The following MOGAT1 variants were observed in gnomAD, a reference collection of about 807,000 sequenced individuals.
MOGAT1 encodes 2-acylglycerol O-acyltransferase 1.
In MOGAT1, 32 loss-of-function variants were observed where a neutral mutation model predicts 31.4. The observed-to-expected ratio is 1.02, with a 90% CI of 0.77 to 1.37. The LOEUF (loss-of-function observed/expected upper bound fraction) is 1.37. MOGAT1 is among the 40% of genes most tolerant of loss of function. MOGAT1 has a pLI of 0.00. For synonymous variants in MOGAT1, 145 were observed against 144.5 expected (o/e 1.00, Z -0.03); for missense variants, 426 against 402.0 (o/e 1.06, Z -0.51).
Position 222,677,561 on chromosome 2 carries a change from G to T in MOGAT1, c.94+5682G>T, listed in dbSNP as rs1179626463. ...ACCAGCTTCTAGGTCTAAGGCTAAC[G>T]TGATGATCATTTGTCTAAGGCTAGA... is the stretch of plus-strand genomic sequence containing the variant. On this transcript the variant is annotated intron_variant, in intron 1 of 5. Coordinates refer to ENST00000446656, the MANE Select transcript of MOGAT1 (RefSeq NM_058165.3). The T allele has an allele frequency of 2.3e-5, 4 of 173,860 alleles. No homozygotes were observed. In the East Asian group the frequency reaches 7.0e-4, roughly 31 times the overall value. 10.8% of individuals were successfully genotyped at this position (173,860 alleles called of 1,614,324 possible).
intron 5 of MOGAT1, among the ~76,000 whole-genome samples, chr2:222,704,401 G>A (rs1692972648): frequency 1.3e-5 from 2 of 152,068 alleles, no homozygotes; most frequent in South Asian, 2.1e-4. Flanking sequence ...GAGGCGGGTA[G>A]ATCACGAGGT....
chr2:222,689,977 G>A lies in MOGAT1; in HGVS notation c.478+508G>A, dbSNP rs550746208. Reference sequence around the variant, plus strand: ...TGGCTCAGAAATAAGAGTCCAGGCCGGGCGCGGTGGCTCACGCCTGTAATC... The same window carrying A: ...TGGCTCAGAAATAAGAGTCCAGGCCAGGCGCGGTGGCTCACGCCTGTAATC... On this transcript the variant is annotated intron_variant, in intron 3 of 5. Coordinates refer to ENST00000446656, the MANE Select transcript of MOGAT1 (RefSeq NM_058165.3). 3.3e-5 allele frequency among the ~76,000 whole-genome samples: 5 copies of A among 152,334 alleles called. No individual in the cohort carries two copies. In the East Asian group the frequency reaches 7.7e-4, roughly 24 times the overall value.
intron 5 of MOGAT1, among the ~76,000 whole-genome samples, chr2:222,704,601 G>A (rs1692976736): frequency 6.6e-6 from 1 of 151,904 alleles, no homozygotes; most frequent in African/African-American, 2.4e-5. Flanking sequence ...TCCAGCCTGG[G>A]CGACAAAGCG....
At position 222,671,825 on chromosome 2, in the gene MOGAT1, C is replaced by A; in HGVS notation, c.40C>A (p.Arg14=). The A allele has an allele frequency of 6.4e-7, 1 of 1,553,926 alleles. No homozygotes were observed. Among genetic ancestry groups the A allele is most frequent in the East Asian group, 2.4e-5 (1 of 41,056 alleles). ...TGCACCGCTCAACATCCAGCTGGCG[C>A]GGCGGCTGCAGACGGTGGCCGTGCT... ...EFAPLNIQLA[R]RLQTVAVLQW... The change falls in exon 1 of 6, where the codon CGG becomes AGG. Residue 14 remains arginine (R), a synonymous_variant. Transcript: ENST00000446656.
At chr2:222,693,858 GT>G (rs1692800914) in intron 3 of MOGAT1, among the ~76,000 whole-genome samples, 1 of 152,096 alleles carries the variant, frequency 6.6e-6, no homozygotes. Flanking sequence ...ATAAATCCAG[GT>G]TTGGAAAATA....
At chr2:222,673,087 C>G (rs1692445472) in intron 1 of MOGAT1, among the ~76,000 whole-genome samples, 1 of 151,228 alleles carries the variant, frequency 6.6e-6, no homozygotes, top group Non-Finnish European at 1.5e-5. Context: ...CTAATTTTGT[C>G]TTTTTAGTAG....
At chr2:222,695,889 T>G (rs191793613) in intron 5 of MOGAT1, among the ~76,000 whole-genome samples, 3 of 152,068 alleles carry the variant, frequency 2.0e-5, no homozygotes, top group African/African-American at 7.2e-5. Context: ...CTCCACCCAA[T>G]ATGTAGTCTT....
intron 5 of MOGAT1, among the ~76,000 whole-genome samples, chr2:222,704,717 T>C (rs1271626670): frequency 6.6e-6 from 1 of 151,804 alleles, no homozygotes; most frequent in Non-Finnish European, 1.5e-5. Flanking sequence ...AACACTGGAG[T>C]TGGGTATGGC....
chr2:222,685,022 TG>T (rs1692641539), intron 1 of MOGAT1, among the ~76,000 whole-genome samples: 1 of 152,182 alleles, frequency 6.6e-6, no homozygotes, highest in South Asian at 2.1e-4. Context: ...AATAGAATAT[TG>T]ATCAGTCGTT....
intron 1 of MOGAT1, among the ~76,000 whole-genome samples, chr2:222,682,665 T>A (rs577180878): frequency 6.6e-6 from 1 of 152,292 alleles, no homozygotes; most frequent in African/African-American, 2.4e-5. Flanking sequence ...TAGCCAAAGG[T>A]GGGAGCAACC....
intron 1 of MOGAT1, among the ~76,000 whole-genome samples, chr2:222,684,619 C>T (rs945806739): frequency 1.3e-5 from 2 of 151,892 alleles, no homozygotes; most frequent in Non-Finnish European, 2.9e-5. Flanking sequence ...CCCTGTCACC[C>T]GGGCTGAAGT....
At position 222,709,908 on chromosome 2, in the gene MOGAT1, A is replaced by C; in HGVS notation, c.*18A>C. On this transcript the variant is annotated 3_prime_UTR_variant, in exon 6 of 6. Coordinates refer to ENST00000446656, the MANE Select transcript of MOGAT1 (RefSeq NM_058165.3). ...TAAAATGACTTGACTATAAAAAAAA[A>C]TTAAAAAATAAAAATAAATGACTTG... The C allele has an allele frequency of 6.5e-7, 1 of 1,535,052 alleles. No individual in the cohort carries two copies. The highest frequency in any genetic ancestry group is 8.8e-7 in the Non-Finnish European group (1 of 1,138,654).
intron 3 of MOGAT1, 118 bp from the exon 4 acceptor site, chr2:222,694,244 A>T: frequency 2.2e-6 from 2 of 891,208 alleles, no homozygotes; most frequent in Non-Finnish European, 3.3e-6. Flanking sequence ...AAGTGCTCCA[A>T]AGGTAAGCAG....
In MOGAT1 at chr2:222,688,493, A is replaced by C. The variant is rs1692709984; in HGVS notation, c.244A>C (p.Lys82Gln). 2 of 1,613,480 alleles carry C rather than the reference A, an allele frequency of 1.2e-6. No individual in the cohort carries two copies. The highest frequency in any genetic ancestry group is 1.7e-6 in the Non-Finnish European group (2 of 1,179,688). Residue 82 changes from lysine (K) to glutamine (Q), a missense_variant, in exon 2 of 6, where the codon AAA becomes CAA. Lys to Gln is a moderately conservative substitution (Grantham distance 53). Coordinates refer to ENST00000446656, the MANE Select transcript of MOGAT1 (RefSeq NM_058165.3). Reference protein sequence around the residue: ...SSWIKNWTLWKHFKDYFPIHL... With the variant: ...SSWIKNWTLWQHFKDYFPIHL... ...CTGGATCAAAAATTGGACTCTTTGG[A>C]AACACTTTAAGGACTATTTTCCAAT...
At chr2:222,700,446 T>C (rs1692902775) in intron 5 of MOGAT1, among the ~76,000 whole-genome samples, 1 of 152,226 alleles carries the variant, frequency 6.6e-6, no homozygotes, top group African/African-American at 2.4e-5. Context: ...GGGAAATTGC[T>C]TCAGTCCCTC....
intron 3 of MOGAT1, among the ~76,000 whole-genome samples, chr2:222,694,146 A>G (rs1692806851): frequency 6.6e-6 from 1 of 152,224 alleles, no homozygotes; most frequent in Non-Finnish European, 1.5e-5. Flanking sequence ...ATGACATTTT[A>G]AAGACCTAGC....
intron 5 of MOGAT1, among the ~76,000 whole-genome samples, chr2:222,702,473 TTAC>T (rs1367819926): frequency 6.6e-6 from 1 of 152,168 alleles, no homozygotes; most frequent in Non-Finnish European, 1.5e-5. Context: ...TGTCCACAAC[TTAC>T]TTTCAAATGG....
In MOGAT1 at chr2:222,671,705, G is replaced by T. The variant is rs904147527; in HGVS notation, c.-81G>T. On this transcript the variant is annotated 5_prime_UTR_variant, in exon 1 of 6. Transcript: ENST00000446656. ...AGTGCCCAGCGCGGGGCCCGGATCC[G>T]GCCGGGCACTTCCCACAGGCGCCGC... The T allele has an allele frequency of 1.1e-5, 14 of 1,220,216 alleles. No individual in the cohort carries two copies. The South Asian group carries it at 1.9e-4, about 16-fold the overall frequency. 75.6% of individuals were successfully genotyped at this position (1,220,216 alleles called of 1,614,324 possible).
In MOGAT1 at chr2:222,694,498, C is replaced by T; in HGVS notation, c.615C>T (p.Arg205=). Residue 205 remains arginine (R), a synonymous_variant, in exon 4 of 6, where the codon CGC becomes CGT. Transcript: ENST00000446656. ...CTGGAAAGTTCACTCTGTTCATCCG[C>T]CAGCGGAAAGGATTTGTTAAAATTG... ...AHPGKFTLFI[R]QRKGFVKIAL... 2 of 1,613,828 alleles carry T rather than the reference C, an allele frequency of 1.2e-6. No homozygotes were observed. Among genetic ancestry groups the T allele is most frequent in the Non-Finnish European group, 1.7e-6 (2 of 1,179,822 alleles).
Sources: gnomAD v4.1 joint callset for allele counts (sites outside exome capture counted in the v4.1 genomes callset) on GRCh38, gnomAD v4.1.1 for gene constraint, MANE v1.5 for transcripts, NCBI Gene and HGNC (gene_info 2026-07-23, HGNC 2026-07-21) for gene names.